The following PRKAR1A variants were observed in gnomAD, a reference collection of about 807,000 sequenced individuals.
The protein encoded by PRKAR1A is cAMP-dependent protein kinase type I-alpha regulatory subunit.
A neutral mutation model predicts 52.0 loss-of-function variants in PRKAR1A; 3 were observed. The ratio of observed to expected loss-of-function variants is 0.06; its 90% confidence interval spans 0.03 to 0.15. The LOEUF (loss-of-function observed/expected upper bound fraction) is 0.15, where lower values mean the gene tolerates loss of function less well. Ranked by LOEUF, PRKAR1A falls within the 10% of genes least tolerant of loss-of-function variation. The pLI, the probability that PRKAR1A is intolerant of heterozygous loss-of-function variation, is 1.00. For missense variants in PRKAR1A, 240 were observed against 477.4 expected (o/e 0.50, Z 4.63); for synonymous variants, 188 against 168.4 (o/e 1.12, Z -0.90).
At position 68,541,301 on chromosome 17, in the gene PRKAR1A, C is replaced by G. The variant is rs1380475004; in HGVS notation, c.974-9783C>G. ...TCCCTCTCACCAAGCCTCTTGGACC[C>G]TGCGCCACTCATAGCACCTCCATGG... On this transcript the variant is annotated intron_variant, in intron 11 of 11. Transcript: ENST00000585981. 8.7e-6 allele frequency: 3 copies of G among 343,218 alleles called. No homozygotes were observed. In the Admixed American group the frequency reaches 1.2e-4, roughly 14 times the overall value. 21.3% of individuals were successfully genotyped at this position (343,218 alleles called of 1,614,324 possible).
At chr17:68,450,574 G>C in the PRKAR1A span, among the ~76,000 whole-genome samples, 4 of 152,206 alleles carry the variant, frequency 2.6e-5, no homozygotes, top group African/African-American at 9.6e-5. Context: ...AGTAGACTCT[G>C]TTTACAATAC....
Position 68,533,388 on chromosome 17 carries a change from A to G in PRKAR1A, c.*2939A>G, listed in dbSNP as rs2086029513. The G allele has an allele frequency of 9.4e-7, 1 of 1,061,304 alleles. No individual in the cohort carries two copies. Among genetic ancestry groups the G allele is most frequent in the Non-Finnish European group, 1.1e-6 (1 of 876,700 alleles). 65.7% of individuals were successfully genotyped at this position (1,061,304 alleles called of 1,614,324 possible). On this transcript the variant is annotated 3_prime_UTR_variant, in exon 11 of 11. Coordinates refer to ENST00000589228, the MANE Select transcript of PRKAR1A (RefSeq NM_002734.5). ...GTAATCCCTTCCCCCCGTCCTCTGG[A>G]GTATGAAACCTTTAGAGTCACAATA...
chr17:68,527,932 A>G, intron 8 of PRKAR1A, 32 bp downstream of exon 8: 1 of 1,543,464 alleles, frequency 6.5e-7, no homozygotes. Context: ...CTTTGCTAGT[A>G]TGTGAGATAC....
At chr17:68,543,476 T>G (rs976791492) in intron 11 of PRKAR1A, among the ~76,000 whole-genome samples, 3 of 152,124 alleles carry the variant, frequency 2.0e-5, no homozygotes, top group African/African-American at 7.2e-5. Flanking sequence ...ATGGGACATT[T>G]TGAGTTCAAA....
At chr17:68,434,332 A>C in the PRKAR1A span, among the ~76,000 whole-genome samples, 1 of 152,154 alleles carries the variant, frequency 6.6e-6, no homozygotes, top group Non-Finnish European at 1.5e-5. Context: ...CACACATCAA[A>C]AAGGGACTCT....
intron 2 of PRKAR1A, chr17:68,515,965 G>A (rs1004533475): frequency 4.4e-5 from 10 of 225,360 alleles, no homozygotes; most frequent in Admixed American, 1.6e-4. Context: ...GCAAGTAAGC[G>A]TAGTAAATCT....
chr17:68,540,595 G>A (rs529360533), intron 11 of PRKAR1A: 57 of 580,482 alleles, frequency 9.8e-5, no homozygotes, highest in Non-Finnish European at 1.5e-4. Context: ...CCAATCTGAC[G>A]CCCACTCAGG....
the PRKAR1A span, among the ~76,000 whole-genome samples, chr17:68,499,833 G>A: frequency 6.6e-6 from 1 of 152,182 alleles, no homozygotes; most frequent in African/African-American, 2.4e-5. Context: ...AATCAGCGTT[G>A]GTCAAAGTAT....
intron 2 of PRKAR1A, 88 bp from the exon 3 acceptor site, chr17:68,522,668 G>A (rs926346216): frequency 3.6e-6 from 5 of 1,403,182 alleles, no homozygotes; most frequent in Non-Finnish European, 4.0e-6. Flanking sequence ...GAGATTGGAA[G>A]TGACTGAGAT....
chr17:68,472,972 G>A, the PRKAR1A span, among the ~76,000 whole-genome samples: 1 of 151,842 alleles, frequency 6.6e-6, no homozygotes. Flanking sequence ...ATAATAAATT[G>A]TTAATGTGGT....
At chr17:68,450,677 T>C in the PRKAR1A span, 1 of 1,548,128 alleles carries the variant, frequency 6.5e-7, no homozygotes, top group Non-Finnish European at 8.7e-7. Context: ...ATCTTTTTGT[T>C]TGGCTCCCGT....
At chr17:68,417,438 A>T in the PRKAR1A span, among the ~76,000 whole-genome samples, 2 of 152,116 alleles carry the variant, frequency 1.3e-5, no homozygotes, top group Non-Finnish European at 2.9e-5. Flanking sequence ...TGGAGGTAAA[A>T]CTCACAAAAG....
chr17:68,459,833 A>G, the PRKAR1A span, among the ~76,000 whole-genome samples: 3 of 147,322 alleles, frequency 2.0e-5, no homozygotes, highest in African/African-American at 7.5e-5. Context: ...GTTACTAATC[A>G]GTTAATTCAG....
chr17:68,465,092 AT>A, the PRKAR1A span, among the ~76,000 whole-genome samples: 108,562 of 148,356 alleles, frequency 0.73, 39,790 homozygotes, highest in South Asian at 0.78. Context: ...CGCCCGGCTA[AT>A]TTTTTTTTTT....
rs761624559 is a variant in PRKAR1A at position 68,522,708 on chromosome 17, C to A, written c.178-48C>A. 7 of 1,599,844 alleles carry A rather than the reference C, an allele frequency of 4.4e-6. No individual in the cohort carries two copies. The Admixed American group carries it at 1.0e-4, about 23-fold the overall frequency. On this transcript the variant is annotated intron_variant, in intron 2 of 10. Coordinates refer to ENST00000589228, the MANE Select transcript of PRKAR1A (RefSeq NM_002734.5). ...TATCATTGGAACATGAGAGTGCCAGCTTTACATGCCGAAGGATCTCATTTT... is the reference window on the plus strand; with the variant it reads ...TATCATTGGAACATGAGAGTGCCAGATTTACATGCCGAAGGATCTCATTTT...
intron 11 of PRKAR1A, among the ~76,000 whole-genome samples, chr17:68,547,099 C>T (rs1429473569): frequency 6.6e-6 from 1 of 151,822 alleles, no homozygotes; most frequent in African/African-American, 2.4e-5. Flanking sequence ...GATGTGTGGT[C>T]ATCCAGGCTT....
downstream of PRKAR1A, chr17:68,537,428 G>A (rs559129729): frequency 2.0e-5 from 32 of 1,612,486 alleles, no homozygotes; most frequent in Middle Eastern, 7.1e-4. This position sits in a 1 kb window ranked among gnomAD's most constrained non-coding sequence, Gnocchi z 4.2. Flanking sequence ...CACTCGAGTC[G>A]ACTGCTCTGG....
chr17:68,515,377 G>T lies in PRKAR1A; in HGVS notation c.-6-17G>T. ...CTTTATAGTTTATACAAGCATGTGT[G>T]TGTTTTTTTCTCGCAGAGAACCATG... On this transcript the variant is annotated splice_polypyrimidine_tract_variant and intron_variant, in intron 1 of 10. Coordinates refer to ENST00000589228, the MANE Select transcript of PRKAR1A (RefSeq NM_002734.5). The T allele has an allele frequency of 6.2e-7, 1 of 1,612,542 alleles. No individual in the cohort carries two copies. The highest frequency in any genetic ancestry group is 8.5e-7 in the Non-Finnish European group (1 of 1,179,990).
chr17:68,464,455 G>A, the PRKAR1A span, among the ~76,000 whole-genome samples: 2 of 152,162 alleles, frequency 1.3e-5, no homozygotes, highest in Admixed American at 1.3e-4. Context: ...TGCCGAGGCG[G>A]ATGGATCGTG....
Sources: gnomAD v4.1 joint callset for allele counts (sites outside exome capture counted in the v4.1 genomes callset) on GRCh38, gnomAD v4.1.1 for gene constraint, Gnocchi (gnomAD v3.1) non-coding constraint, MANE v1.5 for transcripts, NCBI Gene and HGNC (gene_info 2026-07-23, HGNC 2026-07-21) for gene names.